Variants in RREB1 observed in about 807,000 individuals in gnomAD.
The protein encoded by RREB1 is ras-responsive element-binding protein 1.
RREB1 carries 27 observed loss-of-function variants against 117.8 expected under a neutral mutation model. That is an observed-to-expected ratio of 0.23 (90% CI 0.17 to 0.32). The LOEUF (loss-of-function observed/expected upper bound fraction) is 0.32. Among genes scored for constraint, RREB1 ranks in the 10% least tolerant of loss-of-function variants. The pLI, the probability that RREB1 is intolerant of heterozygous loss-of-function variation, is 1.00. For missense variants in RREB1, 2,577 were observed against 2,378.2 expected, an observed-to-expected ratio of 1.08 and a Z score of -1.74; for synonymous variants, 1,298 against 1,026.7, an observed-to-expected ratio of 1.26 and a Z score of -5.05.
chr6:7,117,635 C>T lies in RREB1; in HGVS notation c.-285+9575C>T, dbSNP rs549222851. 5.3e-5 allele frequency among the ~76,000 whole-genome samples: 8 copies of T among 152,086 alleles called. No homozygotes were observed. In the South Asian group the frequency reaches 1.5e-3, roughly 28 times the overall value. On this transcript the variant is annotated intron_variant, in intron 1 of 12. Transcript: ENST00000379938. ...TGTTGGCCAGGCTGGTCTTGAACTCCTGACCTCAGGTGATCTGCCCACCTT... is the reference window on the plus strand; with the variant it reads ...TGTTGGCCAGGCTGGTCTTGAACTCTTGACCTCAGGTGATCTGCCCACCTT...
In RREB1 at chr6:7,210,951, C is replaced by T; in HGVS notation, c.570+3C>T. On this transcript the variant is annotated splice_donor_region_variant and intron_variant, in intron 7 of 12. Transcript: ENST00000379938. ...AAGACCCAGCACCAGCTAAAAAGGT[C>T]CTCTTGGCTCCCAGTGCAGATTCAC... is the stretch of plus-strand genomic sequence containing the variant. 6.2e-7 allele frequency: 1 copy of T among 1,612,674 alleles called. No homozygotes were observed.
intron 6 of RREB1, among the ~76,000 whole-genome samples, chr6:7,205,026 T>C (rs369367232): frequency 1.3e-4 from 20 of 152,332 alleles, no homozygotes; most frequent in African/African-American, 4.3e-4. Flanking sequence ...ACTGCTGGTA[T>C]ATTGGAAGAT....
chr6:7,214,359 A>C (rs1766785225), intron 8 of RREB1: 1 of 152,162 alleles, frequency 6.6e-6, no homozygotes, highest in Non-Finnish European at 1.5e-5. Context: ...GCAGGCTCTC[A>C]CTTCGCTGGC....
chr6:7,238,977 G>GC (rs970955063), intron 10 of RREB1, among the ~76,000 whole-genome samples: 1 of 152,158 alleles, frequency 6.6e-6, no homozygotes, highest in African/African-American at 2.4e-5. Flanking sequence ...TATGAATGGC[G>GC]CCCCCTGGAG....
At chr6:7,162,861 T>A (rs1359486825) in intron 1 of RREB1, among the ~76,000 whole-genome samples, 1 of 152,058 alleles carries the variant, frequency 6.6e-6, no homozygotes, top group Non-Finnish European at 1.5e-5. Context: ...TATTTTTTCA[T>A]TTTTTGAGAG....
intron 11 of RREB1, among the ~76,000 whole-genome samples, chr6:7,242,704 G>GGC (rs1018295600): frequency 6.6e-5 from 10 of 151,222 alleles, no homozygotes; most frequent in Admixed American, 5.9e-4. Context: ...AAAAAAAGGG[G>GGC]GGGGGGGAAG....
intron 10 of RREB1, among the ~76,000 whole-genome samples, chr6:7,240,068 GTCTT>G (rs1768598981): frequency 6.6e-6 from 1 of 152,230 alleles, no homozygotes; most frequent in African/African-American, 2.4e-5. Flanking sequence ...GTTAGAGGGC[GTCTT>G]TCTCTTTGTG....
At chr6:7,182,284 G>A (rs1223425059) in intron 4 of RREB1, among the ~76,000 whole-genome samples, 1 of 152,178 alleles carries the variant, frequency 6.6e-6, no homozygotes, top group African/African-American at 2.4e-5. Flanking sequence ...CTTTGCTGTG[G>A]TGTCGATGTT....
intron 1 of RREB1, among the ~76,000 whole-genome samples, chr6:7,126,154 AC>A (rs1055864906): frequency 4.6e-5 from 7 of 152,060 alleles, no homozygotes; most frequent in African/African-American, 1.7e-4. Context: ...GGTGCGCACC[AC>A]CACACCCAGC....
At chr6:7,114,226 A>T (rs920984257) in intron 1 of RREB1, among the ~76,000 whole-genome samples, 1 of 152,148 alleles carries the variant, frequency 6.6e-6, no homozygotes, top group African/African-American at 2.4e-5. Context: ...GGTTCAAGCG[A>T]TTCTCCTGCC....
Position 7,230,011 on chromosome 6 carries a change from A to G in RREB1, c.1912A>G (p.Met638Val). The change falls in exon 10 of 13, where the codon ATG becomes GTG. Residue 638 changes from methionine (M) to valine (V), a missense_variant. By Grantham distance (21) the Met-to-Val change is conservative. Coordinates refer to ENST00000379938, the MANE Select transcript of RREB1 (RefSeq NM_001003699.4). ...GCCCGGCGGCAAGAAGACGCCCGCC[A>G]TGCGCAAGGTGCTCTACCCCTGCCG... is the stretch of plus-strand genomic sequence containing the variant. ...TAPGGKKTPA[M>V]RKVLYPCRFC... is the part of the protein sequence containing the mutation. The G allele has an allele frequency of 6.2e-7, 1 of 1,608,922 alleles. No individual in the cohort carries two copies.
At chr6:7,191,380 T>C (rs1241079761) in intron 6 of RREB1, among the ~76,000 whole-genome samples, 2 of 152,216 alleles carry the variant, frequency 1.3e-5, no homozygotes, top group Admixed American at 1.3e-4. Flanking sequence ...CTGATGGACA[T>C]GTGGGTTGTT....
intron 8 of RREB1, chr6:7,215,454 C>A (rs541444261): frequency 1.3e-5 from 2 of 152,334 alleles, no homozygotes; most frequent in East Asian, 3.9e-4. Flanking sequence ...CCTTCCACCT[C>A]AGCCTCCCAA....
chr6:7,140,842 C>T (rs1338868498), intron 1 of RREB1: 1 of 152,368 alleles, frequency 6.6e-6, no homozygotes, highest in Non-Finnish European at 1.5e-5. Context: ...CGTGTGGTGG[C>T]TCGCGCGCGC....
At chr6:7,153,332 C>T (rs1763209457) in intron 1 of RREB1, among the ~76,000 whole-genome samples, 1 of 151,478 alleles carries the variant, frequency 6.6e-6, no homozygotes, top group African/African-American at 2.4e-5. Flanking sequence ...TCAGTCCACA[C>T]GTGATTACAT....
intron 1 of RREB1, among the ~76,000 whole-genome samples, chr6:7,113,868 C>G (rs1214650730): frequency 6.6e-6 from 1 of 152,122 alleles, no homozygotes; most frequent in Non-Finnish European, 1.5e-5. Flanking sequence ...TTTTAGTAGC[C>G]TTTCTACCTC....
intron 6 of RREB1, among the ~76,000 whole-genome samples, chr6:7,193,726 C>G: frequency 6.6e-6 from 1 of 152,100 alleles, no homozygotes; most frequent in East Asian, 1.9e-4. Context: ...ATACACATAG[C>G]CTGAACATAA....
intron 1 of RREB1, among the ~76,000 whole-genome samples, chr6:7,164,712 T>C (rs1763840793): frequency 6.6e-6 from 1 of 152,148 alleles, no homozygotes; most frequent in Non-Finnish European, 1.5e-5. Flanking sequence ...TGCTTTTGAG[T>C]CTGAACCTAA....
intron 6 of RREB1, 62 bp downstream of exon 6, chr6:7,189,384 A>G (rs1022935095): frequency 1.4e-6 from 2 of 1,466,890 alleles, no homozygotes; most frequent in African/African-American, 1.4e-5. Context: ...CAGGCAGGAC[A>G]GTGGCCTCTG....
Sources: gnomAD v4.1 joint callset for allele counts (sites outside exome capture counted in the v4.1 genomes callset) on GRCh38, gnomAD v4.1.1 for gene constraint, MANE v1.5 for transcripts, NCBI Gene and HGNC (gene_info 2026-07-23, HGNC 2026-07-21) for gene names.